SLC35F2: variants seen among roughly 807,000 people sequenced by gnomAD.
SLC35F2 encodes queuine/queuosine transporter SLC35F2.
A neutral mutation model predicts 38.1 loss-of-function variants in SLC35F2; 25 were observed. The observed-to-expected ratio is 0.66, with a 90% confidence interval of 0.48 to 0.92. SLC35F2 has a LOEUF of 0.92. SLC35F2 is among the 40% of genes least tolerant of loss of function. The probability of loss-of-function intolerance (pLI) is 0.00; values close to 1 mark genes in which losing one functional copy is unlikely to be tolerated. For synonymous variants in SLC35F2, 173 were observed against 181.7 expected (o/e 0.95, Z 0.38); for missense variants, 409 against 452.9 (o/e 0.90, Z 0.88).
intron 1 of SLC35F2, among the ~76,000 whole-genome samples, chr11:107,854,414 AGAGT>A (rs1860245389): frequency 6.6e-6 from 1 of 151,836 alleles, no homozygotes; most frequent in South Asian, 2.1e-4. Context: ...CCTGGCCAAC[AGAGT>A]GAGAGCCTGT....
chr11:107,811,970 C>T (rs1859489048), intron 2 of SLC35F2, among the ~76,000 whole-genome samples, 176 bp from the exon 3 acceptor site: 1 of 152,028 alleles, frequency 6.6e-6, no homozygotes, highest in African/African-American at 2.4e-5. Context: ...GGCACAATCT[C>T]GGCTCACTGC....
At chr11:107,818,072 A>AAAAAGAAAG (rs1555084051) in intron 1 of SLC35F2, among the ~76,000 whole-genome samples, 27 of 68,486 alleles carry the variant, frequency 3.9e-4, no homozygotes, top group South Asian at 6.3e-4. Flanking sequence ...AAAAAAAAAA[A>AAAAAGAAAG]AAAGAAAGAA....
At chr11:107,849,814 G>A (rs1474117728) in intron 1 of SLC35F2, among the ~76,000 whole-genome samples, 1 of 152,124 alleles carries the variant, frequency 6.6e-6, no homozygotes, top group Non-Finnish European at 1.5e-5. Context: ...TGGTCTAGGG[G>A]AAGAAGGAGA....
In SLC35F2 at chr11:107,803,037, G is replaced by A; in HGVS notation, c.903C>T (p.Tyr301=). 3 of 1,613,860 alleles carry A rather than the reference G, an allele frequency of 1.9e-6. No individual in the cohort carries two copies. Among genetic ancestry groups the A allele is most frequent in the East Asian group, 2.2e-5 (1 of 44,846 alleles). The change falls in exon 7 of 8, where the codon TAC becomes TAT. Residue 301 remains tyrosine, a synonymous_variant. Transcript: ENST00000525815. ...VNLGILTADL[Y]SLFVGLFLFG... is the part of the protein sequence containing the mutation. Reference sequence around the variant, plus strand: ...ACAGAAAGAGTCCAACAAAAAGGCTGTAGAGGTCCGCTGTCAGGATGCCCA... The same window carrying A: ...ACAGAAAGAGTCCAACAAAAAGGCTATAGAGGTCCGCTGTCAGGATGCCCA...
chr11:107,802,309 A>T (rs1859322112), intron 7 of SLC35F2, among the ~76,000 whole-genome samples: 1 of 151,986 alleles, frequency 6.6e-6, no homozygotes, highest in Non-Finnish European at 1.5e-5. Context: ...GGGAAGGTGT[A>T]TCAGACTCTC....
chr11:107,794,860 A>G (rs1859193343), intron 7 of SLC35F2, among the ~76,000 whole-genome samples: 1 of 152,262 alleles, frequency 6.6e-6, no homozygotes, highest in African/African-American at 2.4e-5. Flanking sequence ...GTAAAGTTGT[A>G]GGATACAAAA....
At chr11:107,812,654 A>G (rs1477463100) in intron 2 of SLC35F2, among the ~76,000 whole-genome samples, 1 of 152,248 alleles carries the variant, frequency 6.6e-6, no homozygotes. Context: ...AAACCTGCAC[A>G]TTCTGCACAT....
At chr11:107,800,275 A>G (rs1859286956) in intron 7 of SLC35F2, among the ~76,000 whole-genome samples, 1 of 151,760 alleles carries the variant, frequency 6.6e-6, no homozygotes, top group East Asian at 2.0e-4. Context: ...GTCTGCAAAG[A>G]TAACAGCTGG....
intron 1 of SLC35F2, among the ~76,000 whole-genome samples, chr11:107,843,865 AAAAATATATATATATAT>A (rs1349223475): frequency 2.5e-4 from 9 of 35,344 alleles, no homozygotes; most frequent in Admixed American, 4.2e-4. Flanking sequence ...AAAAAAAAAA[AAAAATATATATATATAT>A]ATATATATAT....
At chr11:107,848,330 T>TAA (rs1426972012) in intron 1 of SLC35F2, among the ~76,000 whole-genome samples, 4 of 152,174 alleles carry the variant, frequency 2.6e-5, no homozygotes, top group Non-Finnish European at 4.4e-5. Flanking sequence ...CTCTAACCAA[T>TAA]AAACAGTGGC....
At chr11:107,814,000 A>G (rs1859522639) in intron 2 of SLC35F2, among the ~76,000 whole-genome samples, 1 of 152,120 alleles carries the variant, frequency 6.6e-6, no homozygotes, top group Non-Finnish European at 1.5e-5. Flanking sequence ...TAGCTGGTGC[A>G]TGGGATGAAA....
intron 2 of SLC35F2, among the ~76,000 whole-genome samples, chr11:107,812,629 G>A (rs773151764): frequency 1.1e-4 from 17 of 152,118 alleles, no homozygotes; most frequent in Non-Finnish European, 2.1e-4. Context: ...ACCATGGCAC[G>A]TTTATCTATG....
At chr11:107,853,170 C>G (rs1158322586) in intron 1 of SLC35F2, among the ~76,000 whole-genome samples, 2 of 152,172 alleles carry the variant, frequency 1.3e-5, no homozygotes, top group East Asian at 3.9e-4. Flanking sequence ...ACCTGGAAAA[C>G]TCATTCAGGC....
chr11:107,805,025 T>C, intron 5 of SLC35F2: 1 of 982,998 alleles, frequency 1.0e-6, no homozygotes, highest in Non-Finnish European at 1.2e-6. Context: ...ATATTATGCT[T>C]TGTTTTTGAA....
At chr11:107,814,638 C>A (rs1490006498) in intron 2 of SLC35F2, among the ~76,000 whole-genome samples, 3 of 152,236 alleles carry the variant, frequency 2.0e-5, no homozygotes, top group Admixed American at 1.3e-4. Context: ...CCAAGAGCGA[C>A]CCCTAAGGTA....
chr11:107,801,131 C>A (rs12364537), intron 7 of SLC35F2, among the ~76,000 whole-genome samples: 1 of 152,000 alleles, frequency 6.6e-6, no homozygotes, highest in South Asian at 2.1e-4. Flanking sequence ...GGTCTCGAAC[C>A]CTTGACTTCA....
intron 1 of SLC35F2, among the ~76,000 whole-genome samples, chr11:107,856,469 T>G (rs1406667393): frequency 6.6e-6 from 1 of 151,974 alleles, no homozygotes; most frequent in Non-Finnish European, 1.5e-5. Context: ...CGGAGGTGGG[T>G]GCATCACTTG....
At chr11:107,833,395 T>C (rs1165665719) in intron 1 of SLC35F2, among the ~76,000 whole-genome samples, 1 of 151,806 alleles carries the variant, frequency 6.6e-6, no homozygotes, top group Non-Finnish European at 1.5e-5. Flanking sequence ...CGCACATGCC[T>C]GTAATCCCAG....
chr11:107,815,770 A>G lies in SLC35F2; in HGVS notation c.286+20T>C, dbSNP rs771381882. The G allele has an allele frequency of 1.8e-5, 29 of 1,569,524 alleles. No homozygotes were observed. Among genetic ancestry groups the G allele is most frequent in the Admixed American group, 3.9e-5 (2 of 50,650 alleles). ...ATGAAGATAATTTTGTTGAAAAGATAATTTCCACATTTGACATACCTGATC... is the reference window on the plus strand; with the variant it reads ...ATGAAGATAATTTTGTTGAAAAGATGATTTCCACATTTGACATACCTGATC... On this transcript the variant is annotated intron_variant, in intron 2 of 7. Transcript: ENST00000525815.
Sources: allele counts gnomAD v4.1 joint callset (sites outside exome capture counted in the v4.1 genomes callset), GRCh38; gene constraint gnomAD v4.1.1; transcripts MANE v1.5; gene names NCBI Gene and HGNC (gene_info 2026-07-23, HGNC 2026-07-21).